MBOAT2: variants seen among roughly 807,000 people sequenced by gnomAD.
MBOAT2 encodes membrane-bound glycerophospholipid O-acyltransferase 2.
Under a neutral mutation model 63.4 loss-of-function variants are expected in MBOAT2, and 28 were observed. The ratio of observed to expected loss-of-function variants is 0.44; its 90% CI spans 0.33 to 0.61. The LOEUF (loss-of-function observed/expected upper bound fraction) is 0.61. MBOAT2 is among the 20% of genes least tolerant of loss of function. MBOAT2 has a pLI of 0.03. For synonymous variants in MBOAT2, 211 were observed against 215.6 expected (o/e 0.98, Z 0.19); for missense variants, 470 against 605.8 (o/e 0.78, Z 2.35).
intron 7 of MBOAT2, among the ~76,000 whole-genome samples, 197 bp from the exon 8 acceptor site, chr2:8,873,497 T>C (rs1203717495): frequency 6.6e-6 from 1 of 152,214 alleles, no homozygotes; most frequent in Admixed American, 6.5e-5. Context: ...ACTGTATCTA[T>C]AAGTACTACC....
In MBOAT2 at chr2:8,858,728, C is replaced by T. The variant is rs1572898612; in HGVS notation, c.1514G>A (p.Cys505Tyr). The T allele has an allele frequency of 1.2e-6, 2 of 1,613,666 alleles. No individual in the cohort carries two copies. Among genetic ancestry groups the T allele is most frequent in the Middle Eastern group, 1.7e-4 (1 of 6,058 alleles). The change falls in exon 13 of 13, where the codon TGC (cysteine) becomes TAC (tyrosine). Residue 505 changes from cysteine (C) to tyrosine (Y), a missense_variant. By Grantham distance (194) the Cys-to-Tyr change is radical. Around this residue, in one of 3 missense-constraint regions of MBOAT2, gnomAD observed 90 missense variants for 84.9 expected, o/e 1.06. Transcript: ENST00000305997. The stretch of plus-strand genomic sequence containing the variant: ...CGAGGCTATTTCTTGATTCTGATTG[C>T]AAACATTGTTTGTTGTAGAAAAACT... ...QNSFSTTNNV[C>Y]NQNQEIASRH...
At chr2:8,914,434 C>T (rs186060381) in intron 3 of MBOAT2, among the ~76,000 whole-genome samples, 2 of 151,344 alleles carry the variant, frequency 1.3e-5, no homozygotes, top group East Asian at 3.9e-4. Context: ...TATTTATAGT[C>T]ATTTTTGTCA....
chr2:8,929,557 G>T (rs925798244), intron 3 of MBOAT2, among the ~76,000 whole-genome samples: 2 of 152,126 alleles, frequency 1.3e-5, no homozygotes, highest in Non-Finnish European at 2.9e-5. Flanking sequence ...TTTGCCATGT[G>T]GCCCAGGCTG....
chr2:8,861,486 G>T (rs552698559), intron 11 of MBOAT2, among the ~76,000 whole-genome samples: 74 of 152,308 alleles, frequency 4.9e-4, no homozygotes, highest in African/African-American at 1.8e-3. Context: ...AGGACAAATG[G>T]ATTTGTCATT....
At chr2:8,957,616 C>T (rs542320850) in intron 2 of MBOAT2, among the ~76,000 whole-genome samples, 25 of 152,300 alleles carry the variant, frequency 1.6e-4, no homozygotes, top group South Asian at 4.1e-4. Context: ...ATTCTACACC[C>T]CACAGACCAA....
intron 1 of MBOAT2, among the ~76,000 whole-genome samples, chr2:8,978,961 A>G (rs2103331110): frequency 6.6e-6 from 1 of 152,192 alleles, no homozygotes; most frequent in Non-Finnish European, 1.5e-5. Flanking sequence ...TGCTTTCCTC[A>G]AACCTTTTTT....
chr2:8,917,675 A>G (rs1666284969), intron 3 of MBOAT2, among the ~76,000 whole-genome samples: 1 of 152,182 alleles, frequency 6.6e-6, no homozygotes, highest in Admixed American at 6.5e-5. Flanking sequence ...AAGTTTGGCA[A>G]TTTCTTACTG....
At chr2:8,902,646 G>A (rs1010760260) in intron 4 of MBOAT2, among the ~76,000 whole-genome samples, 2 of 152,050 alleles carry the variant, frequency 1.3e-5, no homozygotes. Flanking sequence ...GTAGACCTTT[G>A]CGGTGACTGT....
intron 6 of MBOAT2, among the ~76,000 whole-genome samples, chr2:8,879,319 A>C (rs1461098668): frequency 6.6e-6 from 1 of 152,212 alleles, no homozygotes; most frequent in Non-Finnish European, 1.5e-5. Flanking sequence ...TTTAACACCA[A>C]GTCAAACTAT....
chr2:8,928,803 G>A (rs1558625062), intron 3 of MBOAT2, among the ~76,000 whole-genome samples: 1 of 152,108 alleles, frequency 6.6e-6, no homozygotes, highest in African/African-American at 2.4e-5. Context: ...ACTCTGGAAA[G>A]ACCCCGTATG....
intron 1 of MBOAT2, among the ~76,000 whole-genome samples, chr2:8,983,390 A>C (rs1226611465): frequency 1.3e-5 from 2 of 152,208 alleles, no homozygotes; most frequent in Non-Finnish European, 2.9e-5. Context: ...GTAACTGTTA[A>C]CGAAACACTT....
At chr2:8,912,152 T>C (rs1008525632) in intron 3 of MBOAT2, among the ~76,000 whole-genome samples, 7 of 151,662 alleles carry the variant, frequency 4.6e-5, no homozygotes, top group African/African-American at 1.5e-4. Flanking sequence ...TGGGGAAAAG[T>C]TGAAAGCATT....
chr2:9,002,007 T>C (rs994830283), intron 1 of MBOAT2, among the ~76,000 whole-genome samples: 1 of 152,156 alleles, frequency 6.6e-6, no homozygotes, highest in African/African-American at 2.4e-5. Flanking sequence ...ATACTGGAAG[T>C]AGCCTATTTA....
chr2:8,961,591 A>C (rs16866862), intron 1 of MBOAT2, among the ~76,000 whole-genome samples: 1 of 133,090 alleles, frequency 7.5e-6, no homozygotes, highest in Non-Finnish European at 1.7e-5. Context: ...ATCAGTAGGG[A>C]AAAAAAAAAA....
chr2:8,923,461 G>A (rs532240505), intron 3 of MBOAT2, among the ~76,000 whole-genome samples: 121 of 152,212 alleles, frequency 7.9e-4, no homozygotes, highest in Middle Eastern at 6.8e-3. Flanking sequence ...TTCATCCCCA[G>A]TCAATCATTA....
chr2:8,980,761 T>C (rs1317382275), intron 1 of MBOAT2, among the ~76,000 whole-genome samples: 1 of 152,074 alleles, frequency 6.6e-6, no homozygotes, highest in African/African-American at 2.4e-5. Context: ...ACACTGCTGA[T>C]GGGAATATAA....
chr2:8,896,033 CGA>C (rs1232288691), intron 4 of MBOAT2, among the ~76,000 whole-genome samples: 1 of 151,822 alleles, frequency 6.6e-6, no homozygotes, highest in East Asian at 1.9e-4. Context: ...GTCAGAAGAT[CGA>C]GACCATCCTG....
intron 7 of MBOAT2, 58 bp from the exon 8 acceptor site, chr2:8,873,358 T>A: frequency 2.0e-6 from 3 of 1,510,472 alleles, no homozygotes; most frequent in Non-Finnish European, 2.7e-6. Flanking sequence ...TAATTCATTC[T>A]ATGTATTATC....
intron 1 of MBOAT2, among the ~76,000 whole-genome samples, chr2:8,965,785 G>A (rs1048981677): frequency 1.3e-5 from 2 of 151,938 alleles, no homozygotes; most frequent in Non-Finnish European, 2.9e-5. Context: ...CTAGCCACAC[G>A]CCCATCAACT....
Sources: gnomAD v4.1 joint callset for allele counts (sites outside exome capture counted in the v4.1 genomes callset) on GRCh38, gnomAD v4.1.1 for gene constraint, gnomAD v4.1.1 regional missense constraint, MANE v1.5 for transcripts, NCBI Gene and HGNC (gene_info 2026-07-23, HGNC 2026-07-21) for gene names.